TCF24: variants seen among roughly 807,000 people sequenced by gnomAD.
TCF24 encodes transcription factor 24.
In TCF24, 5 loss-of-function variants were observed where a neutral mutation model predicts 9.3. The ratio of observed to expected loss-of-function variants is 0.54; its 90% CI spans 0.28 to 1.13. The LOEUF is 1.13. TCF24 is among the 50% of genes most tolerant of loss of function. The pLI is 0.09. For synonymous variants in TCF24, 110 were observed against 115.8 expected (o/e 0.95, Z 0.32); for missense variants, 220 against 236.1 (o/e 0.93, Z 0.45).
In TCF24 at chr8:66,948,253, C is replaced by T. The variant is rs547069982; in HGVS notation, c.391-89G>A. The stretch of plus-strand genomic sequence containing the variant: ...TACAATGTTAAAGATTGTAAATAGC[C>T]CAATGCAAATGCAATATTATGTAGC... On this transcript the variant is annotated intron_variant, in intron 3 of 3. Transcript: ENST00000563496. 1.7e-4 allele frequency: 132 copies of T among 793,404 alleles called. 1 individual carries two copies. In the South Asian group the frequency reaches 3.1e-3, roughly 19 times the overall value. 49.1% of individuals were successfully genotyped at this position (793,404 alleles called of 1,614,324 possible).
intron 3 of TCF24, among the ~76,000 whole-genome samples, chr8:66,953,180 C>T (rs868561462): frequency 2.0e-5 from 3 of 151,946 alleles, no homozygotes; most frequent in Non-Finnish European, 4.4e-5. Flanking sequence ...GATGCAGTTT[C>T]TTCCTAGTCT....
At chr8:66,956,606 G>A (rs146447537) in intron 3 of TCF24, among the ~76,000 whole-genome samples, 3,614 of 151,454 alleles carry the variant, frequency 0.024, 55 homozygotes, top group Admixed American at 0.045. Context: ...CAAGTGACCC[G>A]CCCGCCTCAG....
intron 3 of TCF24, among the ~76,000 whole-genome samples, chr8:66,961,152 C>T (rs1814244889): frequency 6.6e-6 from 1 of 152,216 alleles, no homozygotes; most frequent in Non-Finnish European, 1.5e-5. Flanking sequence ...ACCAAGCCAC[C>T]CCGGCTTTAA....
At position 66,961,647 on chromosome 8, in the gene TCF24, C is replaced by T. The variant is rs1033114801; in HGVS notation, c.119G>A (p.Gly40Glu). 4.0e-5 allele frequency: 48 copies of T among 1,202,128 alleles called. No individual in the cohort carries two copies. Among genetic ancestry groups the T allele is most frequent in the Admixed American group, 3.6e-4 (8 of 22,090 alleles). The allele number at this position is 1,202,128 out of a possible 1,614,324, so 74.5% of individuals were successfully genotyped here. Reference sequence around the variant, plus strand: ...CCCGCTCCCGGAACGCGAGCCGCCCCCAGGGCCCGCCGGCCCCGGCCCGGT... The same window carrying T: ...CCCGCTCCCGGAACGCGAGCCGCCCTCAGGGCCCGCCGGCCCCGGCCCGGT... ...GRTGPGPAGP[G>E]GGSRSGSGRP... is the part of the protein sequence containing the mutation. The change falls in exon 3 of 4, where the codon GGG becomes GAG. Residue 40 changes from glycine to glutamate, a missense_variant. Physicochemically the swap from Gly to Glu is moderately conservative, Grantham distance 98 (BLOSUM62 -2). Coordinates refer to ENST00000563496, the MANE Select transcript of TCF24 (RefSeq NM_001193502.2).
At chr8:66,962,254 C>T (rs1294438009) in intron 1 of TCF24, 75 bp downstream of exon 1, 4 of 152,402 alleles carry the variant, frequency 2.6e-5, no homozygotes, top group East Asian at 1.9e-4. Context: ...GACCCTTAGC[C>T]TCACCTCGGG....
At chr8:66,953,191 C>T (rs1202262666) in intron 3 of TCF24, among the ~76,000 whole-genome samples, 20 of 152,148 alleles carry the variant, frequency 1.3e-4, no homozygotes, top group Middle Eastern at 3.4e-3. Context: ...TTCCTAGTCT[C>T]GATGATCTTT....
At chr8:66,953,653 A>G (rs1267372913) in intron 3 of TCF24, among the ~76,000 whole-genome samples, 1 of 152,006 alleles carries the variant, frequency 6.6e-6, no homozygotes, top group East Asian at 1.9e-4. Context: ...GTCTTGCTAG[A>G]TTGGGGAAGT....
intron 3 of TCF24, chr8:66,955,102 C>G (rs1042441104): frequency 2.0e-5 from 3 of 153,284 alleles, no homozygotes; most frequent in Non-Finnish European, 4.4e-5. Context: ...TCCTATTCGG[C>G]CATCTTGGCT....
chr8:66,960,418 T>TTGTG (rs147053540), intron 3 of TCF24, among the ~76,000 whole-genome samples: 13 of 149,578 alleles, frequency 8.7e-5, no homozygotes, highest in African/African-American at 2.4e-4. Flanking sequence ...AACTTTGCAT[T>TTGTG]TGTGTGTGTG....
At chr8:66,953,608 C>T (rs1057173069) in intron 3 of TCF24, among the ~76,000 whole-genome samples, 19 of 151,400 alleles carry the variant, frequency 1.3e-4, no homozygotes, top group Non-Finnish European at 7.4e-5. Flanking sequence ...ATCTTTGTGG[C>T]GTTCTCTGTA....
chr8:66,960,211 C>T (rs1241830645), intron 3 of TCF24, among the ~76,000 whole-genome samples: 2 of 151,976 alleles, frequency 1.3e-5, no homozygotes, highest in South Asian at 2.1e-4. Flanking sequence ...TAAAGTCTAT[C>T]GTAATTATAA....
chr8:66,953,794 TC>T (rs1338639748), intron 3 of TCF24, among the ~76,000 whole-genome samples: 1 of 152,046 alleles, frequency 6.6e-6, no homozygotes, highest in African/African-American at 2.4e-5. Flanking sequence ...TTTGCTCAGT[TC>T]TTTTTATTCT....
chr8:66,958,624 G>T (rs1814205473), intron 3 of TCF24, among the ~76,000 whole-genome samples: 1 of 152,128 alleles, frequency 6.6e-6, no homozygotes, highest in African/African-American at 2.4e-5. Context: ...TCGCACCACT[G>T]CACTCTAGCT....
At chr8:66,953,326 A>G (rs1481161709) in intron 3 of TCF24, among the ~76,000 whole-genome samples, 1 of 150,358 alleles carries the variant, frequency 6.7e-6, no homozygotes, top group Admixed American at 6.6e-5. Flanking sequence ...GCTTGTCTGT[A>G]AAGTATTTTA....
intron 3 of TCF24, among the ~76,000 whole-genome samples, chr8:66,949,727 G>A (rs2130897066): frequency 6.6e-6 from 1 of 152,080 alleles, no homozygotes; most frequent in East Asian, 1.9e-4. Flanking sequence ...CACCAACAGT[G>A]TAAAAGTGTT....
At chr8:66,960,479 C>T (rs984129659) in intron 3 of TCF24, among the ~76,000 whole-genome samples, 1 of 151,738 alleles carries the variant, frequency 6.6e-6, no homozygotes, top group Non-Finnish European at 1.5e-5. Context: ...GGAGCCAAAA[C>T]TGAAAATTTA....
In TCF24 at chr8:66,961,545, C is replaced by T; in HGVS notation, c.221G>A (p.Arg74His). 6.7e-7 allele frequency: 1 copy of T among 1,502,996 alleles called. No individual in the cohort carries two copies. The highest frequency in any genetic ancestry group is 8.8e-7 in the Non-Finnish European group (1 of 1,133,194). 93.1% of individuals were successfully genotyped at this position (1,502,996 alleles called of 1,614,324 possible). ...TLRHAFLELQ[R>H]TLPSVPPDTK... ...GTCGGGCGGCACGGACGGCAGCGTG[C>T]GCTGCAGCTCCAGGAAAGCGTGCCG... The change falls in exon 3 of 4, where the codon CGC becomes CAC. Residue 74 changes from arginine (R) to histidine (H), a missense_variant. Transcript: ENST00000563496.
Position 66,947,752 on chromosome 8 carries a change from A to C in TCF24, c.*299T>G, listed in dbSNP as rs556226763. The C allele has an allele frequency of 5.6e-5, 11 of 198,066 alleles. No homozygotes were observed. The highest frequency in any genetic ancestry group is 4.5e-4 in the Admixed American group (8 of 17,798). 12.3% of individuals were successfully genotyped at this position (198,066 alleles called of 1,614,324 possible). On this transcript the variant is annotated 3_prime_UTR_variant, in exon 4 of 4. Transcript: ENST00000563496. ...CTGTTTGTAATAGATACACTATAGCAATATCTATATTGCATTCTTTAGCTA... is the reference window on the plus strand; with the variant it reads ...CTGTTTGTAATAGATACACTATAGCCATATCTATATTGCATTCTTTAGCTA...
In TCF24 at chr8:66,947,871, G is replaced by A. The variant is rs1813987202; in HGVS notation, c.*180C>T. 1 of 499,124 alleles carries A rather than the reference G, an allele frequency of 2.0e-6. No homozygotes were observed. Among genetic ancestry groups the A allele is most frequent in the South Asian group, 3.4e-5 (1 of 29,778 alleles). 30.9% of individuals were successfully genotyped at this position (499,124 alleles called of 1,614,324 possible). A position where few individuals can be genotyped will look rare whatever the true frequency, so the allele number is the denominator to read the frequency against. On this transcript the variant is annotated 3_prime_UTR_variant, in exon 4 of 4. Transcript: ENST00000563496. Reference sequence around the variant, plus strand: ...CTCACACTGAACAGATAAGCTGTGTGTTTTATATAACACTGATTATTTCAT... The same window carrying A: ...CTCACACTGAACAGATAAGCTGTGTATTTTATATAACACTGATTATTTCAT...
Sources: allele counts gnomAD v4.1 joint callset (sites outside exome capture counted in the v4.1 genomes callset), GRCh38; gene constraint gnomAD v4.1.1; transcripts MANE v1.5; gene names NCBI Gene and HGNC (gene_info 2026-07-23, HGNC 2026-07-21).